The following ELAC2 variants were observed in gnomAD, a reference collection of about 807,000 sequenced individuals.
ELAC2 encodes zinc phosphodiesterase ELAC protein 2.
In ELAC2, 92 loss-of-function variants were observed where a neutral mutation model predicts 105.2. That is an observed-to-expected ratio of 0.87 (90% confidence interval 0.74 to 1.04). The LOEUF (loss-of-function observed/expected upper bound fraction) is 1.04, where lower values mean the gene tolerates loss of function less well. Ranked by LOEUF, ELAC2 falls within the 50% of genes least tolerant of loss-of-function variation. The pLI is 0.00. For synonymous variants in ELAC2, 468 were observed against 409.1 expected, an observed-to-expected ratio of 1.14 and a Z score of -1.74; for missense variants, 1,099 against 1,071.7, an observed-to-expected ratio of 1.03 and a Z score of -0.36.
chr17:13,010,917 A>G (rs879436248), intron 7 of ELAC2, among the ~76,000 whole-genome samples: 1 of 152,164 alleles, frequency 6.6e-6, no homozygotes, highest in African/African-American at 2.4e-5. Context: ...GGCAAGTGAA[A>G]TTTTTTTTAA....
rs2041003792 is a variant in ELAC2, at chr17:13,004,561, G to A, written c.983+428C>T. Among the ~76,000 whole-genome samples, 7 of 152,172 alleles carry A rather than the reference G, an allele frequency of 4.6e-5. No individual in the cohort carries two copies. The South Asian group carries it at 1.2e-3, about 27-fold the overall frequency. ...AGCCCAAAAGACATTCCCCAGCTGT[G>A]AGTCCATCCCATAACACGGACTCTT... On this transcript the variant is annotated intron_variant, in intron 11 of 23. Coordinates refer to ENST00000338034, the MANE Select transcript of ELAC2 (RefSeq NM_018127.7).
At chr17:13,010,438 G>A (rs2041353365) in intron 8 of ELAC2, among the ~76,000 whole-genome samples, 175 bp downstream of exon 8, 1 of 152,158 alleles carries the variant, frequency 6.6e-6, no homozygotes, top group Admixed American at 6.5e-5. Context: ...CAAAGTGCTG[G>A]GATTACAGGC....
In ELAC2 at chr17:12,996,592, G is replaced by A; in HGVS notation, c.1614C>T (p.Thr538=). The A allele has an allele frequency of 6.2e-7, 1 of 1,614,030 alleles. No individual in the cohort carries two copies. The highest frequency in any genetic ancestry group is 8.5e-7 in the Non-Finnish European group (1 of 1,180,026). The change falls in exon 17 of 24, where the codon ACC becomes ACT. Residue 538 remains threonine (T), a synonymous_variant. Coordinates refer to ENST00000338034, the MANE Select transcript of ELAC2 (RefSeq NM_018127.7). ...GGTGGGACACAAACACAGCAGCCAGGGTGCCCAGGACCCTGTCCACCTGGT... is the reference window on the plus strand; with the variant it reads ...GGTGGGACACAAACACAGCAGCCAGAGTGCCCAGGACCCTGTCCACCTGGT... ...YGDQVDRVLG[T]LAAVFVSHLH...
chr17:13,002,403 G>A (rs1303916331), intron 13 of ELAC2, 38 bp downstream of exon 13: 6 of 1,613,968 alleles, frequency 3.7e-6, no homozygotes, highest in South Asian at 1.1e-5. Flanking sequence ...GAGAGGGGAC[G>A]AGAGCTGGGC....
At chr17:13,000,489 T>C (rs1158880860) in intron 14 of ELAC2, 7 of 604,130 alleles carry the variant, frequency 1.2e-5, no homozygotes, top group Non-Finnish European at 2.1e-5. Flanking sequence ...AACGGGGAAC[T>C]ACTGATGCTC....
chr17:12,996,796 T>G, intron 16 of ELAC2, 111 bp from the exon 17 acceptor site: 1 of 1,453,206 alleles, frequency 6.9e-7, no homozygotes, highest in South Asian at 1.2e-5. Flanking sequence ...AATTTCTGTC[T>G]CTCCTGCTTT....
At chr17:13,007,204 TAGGA>T in intron 8 of ELAC2, among the ~76,000 whole-genome samples, 1 of 151,462 alleles carries the variant, frequency 6.6e-6, no homozygotes, top group Non-Finnish European at 1.5e-5. Flanking sequence ...AATCATTTTA[TAGGA>T]AAAAAAAAAT....
chr17:13,017,738 C>G lies in ELAC2; in HGVS notation c.210G>C (p.Ser70=). Residue 70 remains serine (S), a synonymous_variant, in exon 1 of 24, where the codon TCG becomes TCC. Transcript: ENST00000338034. ...LQVVAAGSRD[S]GAALYVFSEF... The stretch of plus-strand genomic sequence containing the variant: ...CGGAGAAGACGTAGAGCGCGGCGCC[C>G]GAGTCCCGGCTACCCGCTGCCACCA... 2 of 1,612,224 alleles carry G rather than the reference C, an allele frequency of 1.2e-6. No individual in the cohort carries two copies. Among genetic ancestry groups the G allele is most frequent in the Non-Finnish European group, 1.7e-6 (2 of 1,179,592 alleles).
At chr17:12,996,461 C>T (rs745563227) in intron 17 of ELAC2, 86 bp downstream of exon 17, 169 of 1,598,950 alleles carry the variant, frequency 1.1e-4, no homozygotes, top group African/African-American at 1.2e-4. Flanking sequence ...AGTTTGGAAG[C>T]GGAGGAAAAG....
chr17:13,002,210 G>A (rs1201179274), intron 14 of ELAC2, 64 bp downstream of exon 14: 2 of 1,480,992 alleles, frequency 1.4e-6, no homozygotes, highest in South Asian at 1.2e-5. Flanking sequence ...TTACTATGTG[G>A]CTATTTACAG....
chr17:13,017,922 C>A lies in ELAC2; in HGVS notation c.26G>T (p.Arg9Leu). The A allele has an allele frequency of 6.5e-7, 1 of 1,540,480 alleles. No individual in the cohort carries two copies. Residue 9 changes from arginine (R) to leucine (L), a missense_variant, in exon 1 of 24, where the codon CGG becomes CTG. Physicochemically the swap from Arg to Leu is moderately radical, Grantham distance 102 (BLOSUM62 -2). Coordinates refer to ENST00000338034, the MANE Select transcript of ELAC2 (RefSeq NM_018127.7). ...CGACATGGTGCGTCCGGCCGCGGAC[C>A]GCAGCAGCGAGCAAAGCGCCCACAT... MWALCSLL[R>L]SAAGRTMSQG...
chr17:13,014,059 T>C (rs1463845477), intron 5 of ELAC2, among the ~76,000 whole-genome samples: 1 of 152,122 alleles, frequency 6.6e-6, no homozygotes, highest in African/African-American at 2.4e-5. Context: ...TTTGGGAGGC[T>C]GAGGCGGGCA....
chr17:12,992,964 C>G lies in ELAC2; in HGVS notation c.2335G>C (p.Glu779Gln). ...ALFAGDIEEM[E>Q]ERREKRELRQ... ...AGCTCCCGCTTCTCCCTGCGCTCCTCCATCTCCTCGATGTCGCCAGCAAAC... is the reference window on the plus strand; with the variant it reads ...AGCTCCCGCTTCTCCCTGCGCTCCTGCATCTCCTCGATGTCGCCAGCAAAC... Residue 779 changes from glutamate to glutamine, a missense_variant, in exon 24 of 24, where the codon GAG becomes CAG. Glu to Gln is a conservative substitution (Grantham distance 29). Transcript: ENST00000338034. 2.5e-6 allele frequency: 4 copies of G among 1,611,096 alleles called. No individual in the cohort carries two copies. Among genetic ancestry groups the G allele is most frequent in the Non-Finnish European group, 1.7e-6 (2 of 1,180,024 alleles).
chr17:13,000,017 A>C, intron 15 of ELAC2, 139 bp downstream of exon 15: 2 of 749,778 alleles, frequency 2.7e-6, no homozygotes, highest in Non-Finnish European at 4.5e-6. Context: ...ATTCTAATGT[A>C]GAGCTGAGTA....
intron 1 of ELAC2, 29 bp downstream of exon 1, chr17:13,017,674 G>C: frequency 6.2e-7 from 1 of 1,613,326 alleles, no homozygotes; most frequent in Non-Finnish European, 8.5e-7. Context: ...TGAGGGCCCA[G>C]CGGGACGGGG....
At position 12,991,958 on chromosome 17, in the gene ELAC2, G is replaced by T. The variant is rs371992872; in HGVS notation, c.*860C>A. Among the ~76,000 whole-genome samples, 93 of 152,188 alleles carry T rather than the reference G, an allele frequency of 6.1e-4. No homozygotes were observed. Among genetic ancestry groups the T allele is most frequent in the African/African-American group, 2.1e-3 (85 of 41,450 alleles). ...CCCGCAAGGAGGACAATGGAAACCA[G>T]CCCCGTGTGCCATTTCTCAAAACCT... On this transcript the variant is annotated 3_prime_UTR_variant, in exon 24 of 24. Coordinates refer to ENST00000338034, the MANE Select transcript of ELAC2 (RefSeq NM_018127.7).
chr17:13,015,577 G>C (rs1240584087), intron 4 of ELAC2, among the ~76,000 whole-genome samples, 191 bp downstream of exon 4: 1 of 152,190 alleles, frequency 6.6e-6, no homozygotes, highest in Non-Finnish European at 1.5e-5. Context: ...CTAAAGCTCA[G>C]AAAGGTAAAG....
At chr17:13,006,294 CAG>C (rs1555577385) in intron 8 of ELAC2, 1 of 378,548 alleles carries the variant, frequency 2.6e-6, no homozygotes, top group Non-Finnish European at 5.0e-6. Context: ...CGCTTGAACC[CAG>C]AGGCGGATGT....
At chr17:12,996,778 A>G in intron 16 of ELAC2, 93 bp from the exon 17 acceptor site, 4 of 1,532,152 alleles carry the variant, frequency 2.6e-6, no homozygotes, top group Non-Finnish European at 3.5e-6. Context: ...CCAAGAAGCA[A>G]CTGCAGAAAT....
Sources: gnomAD v4.1 joint callset for allele counts (sites outside exome capture counted in the v4.1 genomes callset) on GRCh38, gnomAD v4.1.1 for gene constraint, MANE v1.5 for transcripts, NCBI Gene and HGNC (gene_info 2026-07-23, HGNC 2026-07-21) for gene names.